The following WNT5A variants were observed in gnomAD, a reference collection of about 807,000 sequenced individuals.
The protein encoded by WNT5A is protein Wnt-5a.
In WNT5A, 9 loss-of-function variants were observed where a neutral mutation model predicts 42.1. The ratio of observed to expected loss-of-function variants is 0.21; its 90% CI spans 0.13 to 0.37. The LOEUF (loss-of-function observed/expected upper bound fraction) is 0.37. Among genes scored for constraint, WNT5A ranks in the 10% least tolerant of loss-of-function variants. WNT5A has a pLI of 1.00. For missense variants in WNT5A, 426 were observed against 534.0 expected (o/e 0.80, Z 1.99); for synonymous variants, 210 against 210.0 (o/e 1.00, Z 0.00).
chr3:55,478,593 T>C (rs1225065054), intron 3 of WNT5A, among the ~76,000 whole-genome samples: 1 of 152,186 alleles, frequency 6.6e-6, no homozygotes, highest in Non-Finnish European at 1.5e-5. Flanking sequence ...TTTAGCCCAT[T>C]TGAAATGCTA....
the WNT5A span, among the ~76,000 whole-genome samples, chr3:55,501,423 G>A: frequency 4.6e-5 from 7 of 152,220 alleles, no homozygotes; most frequent in African/African-American, 1.2e-4. Context: ...AGTTTTGGAG[G>A]ATAAAGGGAG....
chr3:55,500,632 G>T, the WNT5A span, among the ~76,000 whole-genome samples: 74 of 152,296 alleles, frequency 4.9e-4, no homozygotes, highest in African/African-American at 1.7e-3. Context: ...AAACCTGTCT[G>T]TTTGACCCCA....
At chr3:55,504,052 A>G in the WNT5A span, among the ~76,000 whole-genome samples, 2 of 152,156 alleles carry the variant, frequency 1.3e-5, no homozygotes, top group African/African-American at 4.8e-5. Context: ...CAGGTGGATC[A>G]CTTGAGGTCA....
upstream of WNT5A, among the ~76,000 whole-genome samples, chr3:55,493,670 G>T (rs2051685811): frequency 6.6e-6 from 1 of 152,190 alleles, no homozygotes; most frequent in South Asian, 2.1e-4. Flanking sequence ...CTTACCTGTG[G>T]CCATGCCACT....
In WNT5A at chr3:55,479,465, C is replaced by G. The variant is rs373494821; in HGVS notation, c.240G>C (p.Lys80Asn). Residue 80 changes from lysine (K) to asparagine (N), a missense_variant, in exon 3 of 5, where the codon AAG (lysine) becomes AAC (asparagine). By Grantham distance (94) the Lys-to-Asn change is moderately conservative. Transcript: ENST00000264634. ...GGTCCTGATACAAGTGGCACAGTTT[C>G]TTCTGTCCTTGAGAAAGTCCTGCCA... The part of the protein sequence containing the change: ...SQLAGLSQGQ[K>N]KLCHLYQDHM... 3.1e-6 allele frequency: 5 copies of G among 1,614,016 alleles called. No homozygotes were observed. Among genetic ancestry groups the G allele is most frequent in the Non-Finnish European group, 4.2e-6 (5 of 1,179,900 alleles).
At chr3:55,498,536 T>C in the WNT5A span, among the ~76,000 whole-genome samples, 5 of 152,170 alleles carry the variant, frequency 3.3e-5, no homozygotes, top group Admixed American at 6.5e-5. Context: ...CAAAGGATTA[T>C]GACAGCTACG....
chr3:55,490,943 A>G (rs1575411069), upstream of WNT5A, among the ~76,000 whole-genome samples: 1 of 152,208 alleles, frequency 6.6e-6, no homozygotes, highest in East Asian at 1.9e-4. Context: ...GAGTTGTTTT[A>G]TCTGATAATA....
chr3:55,483,006 A>G lies in WNT5A; in HGVS notation c.7-2088T>C, dbSNP rs1336739513. ...TTGGTGCTGGCCGCGTGCACTTTCCAAGCTTCGCGGCGAGCGGGGCGCGTG... is the reference window on the plus strand; with the variant it reads ...TTGGTGCTGGCCGCGTGCACTTTCCGAGCTTCGCGGCGAGCGGGGCGCGTG... On this transcript the variant is annotated intron_variant, in intron 1 of 4. Coordinates refer to ENST00000264634, the MANE Select transcript of WNT5A (RefSeq NM_003392.7). This position sits in a 1 kb window ranked among gnomAD's most constrained non-coding sequence, Gnocchi z 4.2. 4.6e-5 allele frequency among the ~76,000 whole-genome samples: 7 copies of G among 152,188 alleles called. No homozygotes were observed. Among genetic ancestry groups the G allele is most frequent in the Non-Finnish European group, 1.0e-4 (7 of 68,042 alleles).
intron 3 of WNT5A, among the ~76,000 whole-genome samples, chr3:55,477,047 C>T (rs566959384): frequency 5.9e-5 from 9 of 152,258 alleles, no homozygotes; most frequent in Middle Eastern, 6.8e-3. Flanking sequence ...GAGGTGGCGG[C>T]CTGAATTTCT....
chr3:55,473,553 G>A (rs2051292173), intron 4 of WNT5A, among the ~76,000 whole-genome samples: 2 of 152,220 alleles, frequency 1.3e-5, no homozygotes, highest in Admixed American at 1.3e-4. Context: ...GACTCGTGAG[G>A]ACTGCAAAGA....
intron 1 of WNT5A, 189 bp from the exon 2 acceptor site, chr3:55,481,107 C>G: frequency 1.4e-6 from 1 of 714,334 alleles, no homozygotes; most frequent in East Asian, 3.5e-5. Flanking sequence ...CACGCAACCT[C>G]ACCAGGAAAT....
Position 55,466,688 on chromosome 3 carries a change from A to G in WNT5A, c.*3404T>C, listed in dbSNP as rs2051149441. On this transcript the variant is annotated 3_prime_UTR_variant, in exon 5 of 5. Transcript: ENST00000264634. ...TTTTCTTGTATTGGGAAGATCTTGA[A>G]TACGCTCCAGGATGAGAAGAAAAAA... The G allele has an allele frequency of 6.6e-6, 1 of 152,638 alleles. No homozygotes were observed. Among genetic ancestry groups the G allele is most frequent in the African/African-American group, 2.4e-5 (1 of 41,452 alleles). 9.5% of individuals were successfully genotyped at this position (152,638 alleles called of 1,614,324 possible).
rs927834789 is a variant in WNT5A, at chr3:55,470,670, T to C, written c.685-120A>G. On this transcript the variant is annotated intron_variant, in intron 4 of 4. Coordinates refer to ENST00000264634, the MANE Select transcript of WNT5A (RefSeq NM_003392.7). ...TATGTTCCCCAGCTGAATTAAGGACTGTATTATATTTCCTTCATTACCAGA... is the reference window on the plus strand; with the variant it reads ...TATGTTCCCCAGCTGAATTAAGGACCGTATTATATTTCCTTCATTACCAGA... 10 of 917,982 alleles carry C rather than the reference T, an allele frequency of 1.1e-5. No individual in the cohort carries two copies. The African/African-American group carries it at 1.2e-4, about 11-fold the overall frequency. The allele number at this position is 917,982 out of a possible 1,614,324, so 56.9% of individuals were successfully genotyped here.
chr3:55,485,436 G>A (rs955667246), intron 1 of WNT5A, among the ~76,000 whole-genome samples: 1 of 151,960 alleles, frequency 6.6e-6, no homozygotes, highest in Admixed American at 6.5e-5. Context: ...GAGGGTCGGG[G>A]GGTGGAGGAG....
At chr3:55,472,252 A>G (rs1240131696) in intron 4 of WNT5A, among the ~76,000 whole-genome samples, 2 of 152,158 alleles carry the variant, frequency 1.3e-5, no homozygotes, top group South Asian at 2.1e-4. Flanking sequence ...AAACTTCCCC[A>G]ATCCTCTCTT....
intron 1 of WNT5A, among the ~76,000 whole-genome samples, chr3:55,486,719 C>A (rs901920674): frequency 6.6e-6 from 1 of 152,246 alleles, no homozygotes; most frequent in Non-Finnish European, 1.5e-5. Context: ...TCTACTATCG[C>A]TCTTCCCCAC....
intron 1 of WNT5A, among the ~76,000 whole-genome samples, chr3:55,482,138 T>C (rs2106964770): frequency 6.6e-6 from 1 of 152,020 alleles, no homozygotes; most frequent in Non-Finnish European, 1.5e-5. Context: ...TGCAGATGAG[T>C]CCAGACGGGG....
At position 55,486,982 on chromosome 3, in the gene WNT5A, T is replaced by C. The variant is rs1053272920; in HGVS notation, c.4A>G (p.Lys2Glu). 3 of 1,599,766 alleles carry C rather than the reference T, an allele frequency of 1.9e-6. No homozygotes were observed. Among genetic ancestry groups the C allele is most frequent in the Non-Finnish European group, 2.6e-6 (3 of 1,172,236 alleles). Residue 2 changes from lysine to glutamate, a missense_variant and splice_region_variant, in exon 1 of 5, where the codon AAG becomes GAG. By Grantham distance (56) the Lys-to-Glu change is moderately conservative. Around this residue, in one of 3 missense-constraint regions of WNT5A, gnomAD observed 62 missense variants for 49.0 expected, o/e 1.26. Transcript: ENST00000264634. M[K>E]KSIGILSPGV... ...GTGGCAGCGCACTGAACACCTACCT[T>C]CATGGCGAGGGGGAGGGGGCGCGGG...
intron 1 of WNT5A, 116 bp from the exon 2 acceptor site, chr3:55,481,034 T>C: frequency 9.0e-7 from 1 of 1,107,006 alleles, no homozygotes. Flanking sequence ...TTGACTGCGC[T>C]TCTCCTCCGT....
Sources: gnomAD v4.1 joint callset for allele counts (sites outside exome capture counted in the v4.1 genomes callset) on GRCh38, gnomAD v4.1.1 for gene constraint, gnomAD v4.1.1 regional missense constraint, Gnocchi (gnomAD v3.1) non-coding constraint, MANE v1.5 for transcripts, NCBI Gene and HGNC (gene_info 2026-07-23, HGNC 2026-07-21) for gene names.